FGD1: variants seen among roughly 807,000 people sequenced by gnomAD.
FGD1 encodes the protein FYVE, RhoGEF and PH domain containing 1.
FGD1 carries 12 observed loss-of-function variants against 65.0 expected under a neutral mutation model. The ratio of observed to expected loss-of-function variants is 0.18; its 90% CI spans 0.12 to 0.30. FGD1 has a LOEUF of 0.30. Ranked by LOEUF, FGD1 falls within the 10% of genes least tolerant of loss-of-function variation. The pLI, the probability that FGD1 is intolerant of heterozygous loss-of-function variation, is 1.00. For synonymous variants in FGD1, 333 were observed against 343.9 expected (o/e 0.97, Z 0.35); for missense variants, 542 against 837.6 (o/e 0.65, Z 4.36).
At chrX:54,469,952 A>T in intron 4 of FGD1, 64 bp downstream of exon 4, 1 of 1,034,889 alleles carries the variant, frequency 9.7e-7, no homozygotes, top group Middle Eastern at 3.3e-4. Flanking sequence ...GGGAAGAATC[A>T]AGCACAAAAG....
At chrX:54,472,343 C>T (rs1922914915) in intron 1 of FGD1, among the ~76,000 whole-genome samples, 1 of 109,941 alleles carries the variant, frequency 9.1e-6, no homozygotes, top group South Asian at 3.9e-4. Context: ...TCTGTACTAC[C>T]TTCCTCAACT....
intron 6 of FGD1, among the ~76,000 whole-genome samples, chrX:54,466,751 G>GT (rs1464146651): frequency 1.1e-5 from 1 of 89,372 alleles, no homozygotes; most frequent in Non-Finnish European, 2.0e-5. Context: ...TGTTTTGTTT[G>GT]TTTGTTTTTT....
chrX:54,494,413 T>C (rs1170259946), intron 1 of FGD1, among the ~76,000 whole-genome samples: 1 of 98,529 alleles, frequency 1.0e-5, no homozygotes, highest in African/African-American at 3.8e-5. Flanking sequence ...TTTTTTTTTT[T>C]TTTTTTTTTT....
intron 1 of FGD1, among the ~76,000 whole-genome samples, chrX:54,476,445 G>A (rs1923021635): frequency 9.2e-6 from 1 of 109,249 alleles, no homozygotes; most frequent in South Asian, 4.1e-4. Flanking sequence ...TCAAATTCCT[G>A]GGCTCAAGTG....
intron 1 of FGD1, among the ~76,000 whole-genome samples, chrX:54,474,523 T>C (rs1412835059): frequency 2.7e-5 from 3 of 112,663 alleles, no homozygotes; most frequent in Non-Finnish European, 5.6e-5. Flanking sequence ...TCCCCAACTC[T>C]GTACCTTGCT....
chrX:54,447,643 C>T (rs897576844), intron 16 of FGD1, among the ~76,000 whole-genome samples, 189 bp from the exon 17 acceptor site: 3 of 112,797 alleles, frequency 2.7e-5, no homozygotes, highest in Non-Finnish European at 5.6e-5. Context: ...AAGCTAGGTT[C>T]GTCTGCCTCA....
At chrX:54,450,966 T>C (rs1320513082) in intron 12 of FGD1, among the ~76,000 whole-genome samples, 1 of 110,244 alleles carries the variant, frequency 9.1e-6, no homozygotes, top group African/African-American at 3.3e-5. Flanking sequence ...TGAGAATCGC[T>C]TGAGCCCAGG....
In FGD1 at chrX:54,495,675, GCCGGCC is replaced by G. The variant is rs1356138100; in HGVS notation, c.-249_-244del. On this transcript the variant is annotated 5_prime_UTR_variant, in exon 1 of 18. Transcript: ENST00000375135. ...CACCGCCGCTGCCGTGCCAGGCATCGCCGGCCCCGGCCCCGGCCCCGCGCGGGGAGT... is the reference window on the plus strand; with the variant it reads ...CACCGCCGCTGCCGTGCCAGGCATCGCCGGCCCCGGCCCCGCGCGGGGAGT... 2.1e-5 allele frequency: 3 copies of G among 142,433 alleles called. No homozygotes were observed. Among genetic ancestry groups the G allele is most frequent in the Non-Finnish European group, 2.7e-5 (2 of 73,340 alleles). The allele number at this position is 142,433 out of a possible 1,213,427, so 11.7% of individuals were successfully genotyped here. A position where few individuals can be genotyped will look rare whatever the true frequency, so the allele number is the denominator to read the frequency against.
At chrX:54,477,051 G>A (rs1383539083) in intron 1 of FGD1, among the ~76,000 whole-genome samples, 1 of 112,264 alleles carries the variant, frequency 8.9e-6, no homozygotes, top group African/African-American at 3.2e-5. Flanking sequence ...GACCCAGAGA[G>A]AGAACCACAG....
chrX:54,450,259 C>T lies in FGD1; in HGVS notation c.2046+12G>A, dbSNP rs1013963817. 1 of 1,207,554 alleles carries T rather than the reference C, an allele frequency of 8.3e-7. No individual in the cohort carries two copies. Among genetic ancestry groups the T allele is most frequent in the African/African-American group, 1.7e-5 (1 of 57,715 alleles). ...CTCTTCTAGCCCCCTACCACAGAGC[C>T]TTGGATGTTACCTGGACCCAGTCTT... On this transcript the variant is annotated intron_variant, in intron 13 of 17. Coordinates refer to ENST00000375135, the MANE Select transcript of FGD1 (RefSeq NM_004463.3).
intron 3 of FGD1, 61 bp downstream of exon 3, chrX:54,470,522 T>C (rs1742808980): frequency 8.5e-7 from 1 of 1,177,476 alleles, no homozygotes; most frequent in African/African-American, 1.7e-5. Context: ...CTCTCCTGAC[T>C]ATCCCTTCCT....
At chrX:54,464,125 CTCT>C (rs1922704460) in intron 8 of FGD1, among the ~76,000 whole-genome samples, 1 of 85,792 alleles carries the variant, frequency 1.2e-5, no homozygotes, top group Non-Finnish European at 2.1e-5. Context: ...CCACGCCCAG[CTCT>C]TTTTTTTTTT....
At chrX:54,461,929 G>T (rs942883844) in intron 8 of FGD1, among the ~76,000 whole-genome samples, 1 of 111,336 alleles carries the variant, frequency 9.0e-6, no homozygotes, top group Middle Eastern at 4.6e-3. Flanking sequence ...AGATCAGACT[G>T]GGAAGCTCTT....
At chrX:54,485,429 G>C (rs960304179) in intron 1 of FGD1, among the ~76,000 whole-genome samples, 1 of 111,913 alleles carries the variant, frequency 8.9e-6, no homozygotes, top group African/African-American at 3.3e-5. Flanking sequence ...GCTACCCTGG[G>C]TGTACGTGAA....
chrX:54,455,630 T>A (rs1922483097), intron 11 of FGD1, 62 bp downstream of exon 11: 2 of 1,103,481 alleles, frequency 1.8e-6, no homozygotes, highest in African/African-American at 3.6e-5. Flanking sequence ...GCCAGCATCT[T>A]TGTTCCTCCC....
intron 12 of FGD1, among the ~76,000 whole-genome samples, chrX:54,451,190 C>A (rs1922368836): frequency 9.0e-6 from 1 of 111,462 alleles, no homozygotes; most frequent in African/African-American, 3.3e-5. Context: ...GTGCTCAGCA[C>A]AATGTCTGGC....
At chrX:54,449,106 C>T in intron 15 of FGD1, 37 bp downstream of exon 15, 1 of 1,211,705 alleles carries the variant, frequency 8.3e-7, no homozygotes. Context: ...GCCATTCTGT[C>T]CCCTCCCTAG....
intron 6 of FGD1, among the ~76,000 whole-genome samples, chrX:54,466,903 C>T (rs961233811): frequency 4.1e-4 from 44 of 108,613 alleles, no homozygotes; most frequent in African/African-American, 1.4e-3. Context: ...GCGCCCGCCA[C>T]CATGCCCGGC....
intron 1 of FGD1, among the ~76,000 whole-genome samples, chrX:54,475,121 C>T (rs1227904343): frequency 8.9e-6 from 1 of 112,388 alleles, no homozygotes; most frequent in East Asian, 2.8e-4. Flanking sequence ...AGCCCACAGA[C>T]AGACCTGCCT....
Sources: gnomAD v4.1 joint callset for allele counts (sites outside exome capture counted in the v4.1 genomes callset) on GRCh38, gnomAD v4.1.1 for gene constraint, MANE v1.5 for transcripts, NCBI Gene and HGNC (gene_info 2026-07-23, HGNC 2026-07-21) for gene names.